The following TSPAN9 variants were observed in gnomAD, a reference collection of about 807,000 sequenced individuals.
TSPAN9 encodes the protein tetraspanin 9, also known as tetraspanin-9.
TSPAN9 carries 16 observed loss-of-function variants against 31.0 expected under a neutral mutation model. The ratio of observed to expected loss-of-function variants is 0.52; its 90% confidence interval spans 0.35 to 0.78. The LOEUF is 0.78. Ranked by LOEUF, TSPAN9 falls within the 30% of genes least tolerant of loss-of-function variation. The probability of loss-of-function intolerance (pLI) is 0.01; values close to 1 mark genes in which losing one functional copy is unlikely to be tolerated. For synonymous variants in TSPAN9, 145 were observed against 121.6 expected, an observed-to-expected ratio of 1.19 and a Z score of -1.27; for missense variants, 272 against 312.5, an observed-to-expected ratio of 0.87 and a Z score of 0.98.
In TSPAN9 at chr12:3,107,815, C is replaced by T. The variant is rs552639821; in HGVS notation, c.-18+24096C>T. ...GGTGATATCGCTAGTGCTACCTGGG[C>T]ATGAATTCATTTTTTCCTGGCTTGA... On this transcript the variant is annotated intron_variant, in intron 2 of 8. Coordinates refer to ENST00000011898, the MANE Select transcript of TSPAN9 (RefSeq NM_006675.5). This position sits in a 1 kb window ranked among gnomAD's most constrained non-coding sequence, Gnocchi z 4.1. Among the ~76,000 whole-genome samples, 2 of 152,312 alleles carry T rather than the reference C, an allele frequency of 1.3e-5. No individual in the cohort carries two copies. The highest frequency in any genetic ancestry group is 6.5e-5 in the Admixed American group (1 of 15,288).
At chr12:3,136,278 C>T (rs1254785793) in intron 2 of TSPAN9, among the ~76,000 whole-genome samples, 1 of 152,198 alleles carries the variant, frequency 6.6e-6, no homozygotes, top group Non-Finnish European at 1.5e-5. Context: ...TGCAGCTGAG[C>T]GGGGCCTTGA....
chr12:3,277,636 A>G (rs1435591640), intron 3 of TSPAN9, among the ~76,000 whole-genome samples: 2 of 152,226 alleles, frequency 1.3e-5, no homozygotes, highest in Admixed American at 1.3e-4. Context: ...CGAGCATAAA[A>G]TAAGACAGAT....
At chr12:3,201,002 T>C (rs2098371222) in intron 2 of TSPAN9, 175 bp from the exon 3 acceptor site, 4 of 602,980 alleles carry the variant, frequency 6.6e-6, no homozygotes, top group Non-Finnish European at 1.2e-5. Flanking sequence ...TGCCAAGCCG[T>C]CCACCTCCGG....
chr12:3,217,952 G>A (rs2098382215), intron 3 of TSPAN9, among the ~76,000 whole-genome samples: 1 of 152,082 alleles, frequency 6.6e-6, no homozygotes. Context: ...TTTCTAGATG[G>A]GTTCAAGGAG....
chr12:3,231,614 G>T (rs1432435946), intron 3 of TSPAN9, among the ~76,000 whole-genome samples: 2 of 152,236 alleles, frequency 1.3e-5, no homozygotes, highest in African/African-American at 4.8e-5. Context: ...GCAGGGGCGG[G>T]GTGGGTGGAA....
chr12:3,218,191 C>T (rs550189475), intron 3 of TSPAN9, among the ~76,000 whole-genome samples: 22 of 152,260 alleles, frequency 1.4e-4, no homozygotes, highest in African/African-American at 5.3e-4. Flanking sequence ...TTTGTTTTGG[C>T]TTTCTCTTCA....
intron 5 of TSPAN9, among the ~76,000 whole-genome samples, chr12:3,279,288 G>T (rs73048965): frequency 0.016 from 2,500 of 152,360 alleles, 37 homozygotes; most frequent in Middle Eastern, 0.024. Flanking sequence ...GGATGGGAGA[G>T]TTGACTTTGT....
chr12:3,079,709 G>A (rs1220054572), intron 1 of TSPAN9, among the ~76,000 whole-genome samples: 1 of 151,694 alleles, frequency 6.6e-6, no homozygotes, highest in Non-Finnish European at 1.5e-5. Flanking sequence ...TGATCCGCCT[G>A]CCTTGGCCTC....
intron 2 of TSPAN9, among the ~76,000 whole-genome samples, chr12:3,089,097 T>G (rs531911374): frequency 1.3e-5 from 2 of 151,284 alleles, no homozygotes; most frequent in South Asian, 4.2e-4. Context: ...CCGGGCGTGG[T>G]GGCGGGCGCC....
intron 2 of TSPAN9, among the ~76,000 whole-genome samples, chr12:3,155,329 G>A (rs1200648532): frequency 6.6e-6 from 1 of 152,200 alleles, no homozygotes; most frequent in Non-Finnish European, 1.5e-5. Context: ...CTACGCAAGT[G>A]AAACCGAAGG....
intron 3 of TSPAN9, among the ~76,000 whole-genome samples, chr12:3,244,935 G>C (rs1285265037): frequency 6.6e-6 from 1 of 152,176 alleles, no homozygotes; most frequent in East Asian, 1.9e-4. Context: ...GTAGTTTCAG[G>C]GGCCCCCTTC....
intron 2 of TSPAN9, among the ~76,000 whole-genome samples, chr12:3,165,657 G>A (rs2098347953): frequency 1.3e-5 from 2 of 152,186 alleles, no homozygotes; most frequent in Admixed American, 1.3e-4. Flanking sequence ...CTGGCAGCTG[G>A]GAGGGAGGCG....
chr12:3,166,012 G>A (rs1413792132), intron 2 of TSPAN9, among the ~76,000 whole-genome samples: 4 of 152,164 alleles, frequency 2.6e-5, no homozygotes, highest in African/African-American at 9.7e-5. Context: ...GGAAGTGGCC[G>A]AGGTGTGGGA....
chr12:3,220,846 A>C (rs4766076), intron 3 of TSPAN9, among the ~76,000 whole-genome samples: 90,728 of 151,902 alleles, frequency 0.6, 29,367 homozygotes, highest in Non-Finnish European at 0.74. Context: ...CGTTCAGAGG[A>C]CAGGGCCCTT....
chr12:3,135,592 G>C (rs59883876), intron 2 of TSPAN9, among the ~76,000 whole-genome samples: 2,935 of 152,268 alleles, frequency 0.019, 95 homozygotes, highest in African/African-American at 0.067. Context: ...TGGCCCTGAG[G>C]CTTGCTTGGT....
At chr12:3,272,963 G>A (rs2153980253) in intron 3 of TSPAN9, 1 of 152,402 alleles carries the variant, frequency 6.6e-6, no homozygotes, top group South Asian at 2.1e-4. Flanking sequence ...GCTGGAGTGT[G>A]GGCTCACTGT....
intron 2 of TSPAN9, among the ~76,000 whole-genome samples, chr12:3,186,175 A>G (rs1290580765): frequency 2.6e-5 from 4 of 152,216 alleles, no homozygotes; most frequent in African/African-American, 9.6e-5. Context: ...TGCTCTTGGG[A>G]AGCCAAGATG....
intron 3 of TSPAN9, among the ~76,000 whole-genome samples, chr12:3,226,780 A>ATTT (rs1565622632): frequency 4.7e-4 from 1 of 2,116 alleles, no homozygotes; most frequent in Non-Finnish European, 8.5e-4. Flanking sequence ...ATATATATAT[A>ATTT]TATATATATA....
intron 2 of TSPAN9, among the ~76,000 whole-genome samples, chr12:3,199,127 G>T (rs74054924): frequency 0.054 from 8,163 of 152,316 alleles, 275 homozygotes; most frequent in African/African-American, 0.092. Context: ...TTAGCACACA[G>T]TTCTAGGTGT....
Sources: gnomAD v4.1 joint callset for allele counts (sites outside exome capture counted in the v4.1 genomes callset) on GRCh38, gnomAD v4.1.1 for gene constraint, Gnocchi (gnomAD v3.1) non-coding constraint, MANE v1.5 for transcripts, NCBI Gene and HGNC (gene_info 2026-07-23, HGNC 2026-07-21) for gene names.